Variants in C11orf65 observed in about 807,000 individuals in gnomAD.
The protein encoded by C11orf65 is protein MFI.
C11orf65 carries 38 observed loss-of-function variants against 35.3 expected under a neutral mutation model. The ratio of observed to expected loss-of-function variants is 1.08; its 90% confidence interval spans 0.83 to 1.41. The LOEUF (loss-of-function observed/expected upper bound fraction) is 1.41. C11orf65 is among the 40% of genes most tolerant of loss of function. The pLI is 0.00. For synonymous variants in C11orf65, 105 were observed against 114.4 expected (o/e 0.92, Z 0.53); for missense variants, 370 against 367.1 (o/e 1.01, Z -0.06).
intron 6 of C11orf65, chr11:108,319,820 A>G (rs2085061163): frequency 1.5e-6 from 1 of 671,696 alleles, no homozygotes; most frequent in South Asian, 2.0e-5. Context: ...TTTCTTACCA[A>G]AAATTCTAGA....
At chr11:108,411,350 T>C (rs1014205973) in intron 3 of C11orf65, among the ~76,000 whole-genome samples, 1 of 152,210 alleles carries the variant, frequency 6.6e-6, no homozygotes, top group Non-Finnish European at 1.5e-5. Context: ...ATTTCAAAAC[T>C]TGGAAATTTG....
rs34005627 is a variant in C11orf65, at chr11:108,430,127, C to CT, written c.174+1618dup. Among the ~76,000 whole-genome samples, 155 of 113,404 alleles carry CT rather than the reference C, an allele frequency of 1.4e-3. 1 individual carries two copies. The highest frequency in any genetic ancestry group is 1.7e-3 in the East Asian group (7 of 4,004). 74.4% of individuals were successfully genotyped at this position (113,404 alleles called of 152,430 possible). On this transcript the variant is annotated intron_variant, in intron 3 of 8. Transcript: ENST00000393084. ...GTGTTTAGTACTACTGAACTGTATTCTTTTTTTTTTTTTTTTTTTGAGACA... is the reference window on the plus strand; with the variant it reads ...GTGTTTAGTACTACTGAACTGTATTCTTTTTTTTTTTTTTTTTTTTGAGACA...
intron 2 of C11orf65, among the ~76,000 whole-genome samples, chr11:108,375,761 C>A (rs1591415006): frequency 6.6e-6 from 1 of 151,904 alleles, no homozygotes; most frequent in Non-Finnish European, 1.5e-5. Flanking sequence ...CAGAGACACA[C>A]ATAGGCTCAA....
chr11:108,335,391 C>T (rs1298305036), intron 2 of C11orf65: 3 of 864,944 alleles, frequency 3.5e-6, no homozygotes, highest in Middle Eastern at 3.8e-4. Context: ...AAAAAAAATA[C>T]TTTGGTGTCT....
At chr11:108,437,476 C>T (rs764058071) in intron 2 of C11orf65, among the ~76,000 whole-genome samples, 17 of 151,856 alleles carry the variant, frequency 1.1e-4, no homozygotes, top group South Asian at 4.1e-4. Context: ...GAGGCTGAGG[C>T]GGGCAGATCA....
At chr11:108,408,681 A>ATAACATAACATAAC (rs1565659726) in intron 3 of C11orf65, among the ~76,000 whole-genome samples, 21 of 64,654 alleles carry the variant, frequency 3.2e-4, no homozygotes, top group African/African-American at 1.2e-3. Context: ...CAATAAATAA[A>ATAACATAACATAAC]ATAAAATAAA....
At chr11:108,352,548 A>C (rs1471203344) in intron 2 of C11orf65, among the ~76,000 whole-genome samples, 1 of 152,176 alleles carries the variant, frequency 6.6e-6, no homozygotes, top group East Asian at 1.9e-4. Context: ...CCAAAAGAAC[A>C]ATCTTTAAGA....
chr11:108,391,450 G>T (rs2092158658), intron 7 of C11orf65, among the ~76,000 whole-genome samples: 1 of 152,148 alleles, frequency 6.6e-6, no homozygotes, highest in Non-Finnish European at 1.5e-5. Context: ...CACGATCTCA[G>T]CTCACTGCAA....
intron 6 of C11orf65, among the ~76,000 whole-genome samples, chr11:108,403,066 G>T (rs1349209285): frequency 3.3e-5 from 5 of 152,112 alleles, no homozygotes; most frequent in African/African-American, 1.2e-4. Context: ...CAATCTTTCT[G>T]TGGACATGTT....
chr11:108,431,938 A>G, intron 2 of C11orf65, 100 bp from the exon 3 acceptor site: 1 of 576,988 alleles, frequency 1.7e-6, no homozygotes, highest in Non-Finnish European at 2.9e-6. Context: ...GTACCATAAA[A>G]TAGATTTTTA....
intron 2 of C11orf65, among the ~76,000 whole-genome samples, chr11:108,441,929 T>C (rs879538478): frequency 6.6e-6 from 1 of 152,216 alleles, no homozygotes; most frequent in Non-Finnish European, 1.5e-5. Context: ...TCCAAAGGAA[T>C]GCAGCTCCTT....
At chr11:108,341,000 G>GT (rs1477923797) in intron 2 of C11orf65, among the ~76,000 whole-genome samples, 1 of 152,068 alleles carries the variant, frequency 6.6e-6, no homozygotes, top group African/African-American at 2.4e-5. Flanking sequence ...AGGGCCAGCT[G>GT]TATTCCATTT....
chr11:108,319,501 A>C (rs2085033332), intron 6 of C11orf65, among the ~76,000 whole-genome samples: 1 of 152,052 alleles, frequency 6.6e-6, no homozygotes, highest in South Asian at 2.1e-4. Context: ...GCCTTTCTTG[A>C]TTACCCATTC....
At chr11:108,408,281 T>C (rs1294904835) in intron 3 of C11orf65, among the ~76,000 whole-genome samples, 6 of 152,150 alleles carry the variant, frequency 3.9e-5, no homozygotes, top group Non-Finnish European at 8.8e-5. Context: ...TAAAATATTA[T>C]CTTGCAGGTA....
rs1370262422 is a variant in C11orf65 at position 108,365,313 on chromosome 11, T to A, written c.226+27895A>T. On this transcript the variant is annotated intron_variant, in intron 2 of 3. Transcript: ENST00000524755. ...GTTCACCTCACTGAAACCTTTGTGT[T>A]TTTGTCCTTAGTGATATTGACCAGA... The A allele has an allele frequency of 6.2e-7, 1 of 1,614,212 alleles. No individual in the cohort carries two copies. The highest frequency in any genetic ancestry group is 2.2e-5 in the East Asian group (1 of 44,880).
intron 2 of C11orf65, among the ~76,000 whole-genome samples, chr11:108,351,968 T>C (rs1297790336): frequency 6.6e-6 from 1 of 152,206 alleles, no homozygotes. Context: ...CCTTTCCCTA[T>C]TGAGTGTCAG....
At chr11:108,409,816 T>C (rs1274161984) in intron 3 of C11orf65, among the ~76,000 whole-genome samples, 1 of 152,024 alleles carries the variant, frequency 6.6e-6, no homozygotes, top group Non-Finnish European at 1.5e-5. Context: ...ACGCACAGGA[T>C]CTAGGTTGCA....
chr11:108,461,775 G>A (rs1210512740), intron 1 of C11orf65, among the ~76,000 whole-genome samples: 2 of 151,962 alleles, frequency 1.3e-5, no homozygotes, highest in South Asian at 4.2e-4. Context: ...TTGTAGGCGT[G>A]CACCATCACA....
At chr11:108,326,610 A>G (rs1249175989), downstream of C11orf65, among the ~76,000 whole-genome samples, 2 of 152,226 alleles carry the variant, frequency 1.3e-5, no homozygotes, top group East Asian at 3.8e-4. Flanking sequence ...TGGGACAATT[A>G]GGTTGTCAAT....
Sources: gnomAD v4.1 joint callset for allele counts (sites outside exome capture counted in the v4.1 genomes callset) on GRCh38, gnomAD v4.1.1 for gene constraint, MANE v1.5 for transcripts, NCBI Gene and HGNC (gene_info 2026-07-23, HGNC 2026-07-21) for gene names.